Variants in IL18 observed in about 807,000 individuals in gnomAD.
The protein encoded by IL18 is interleukin 18, also known as interleukin-18.
A neutral mutation model predicts 14.2 loss-of-function variants in IL18; 8 were observed. The observed-to-expected ratio is 0.56, with a 90% confidence interval of 0.33 to 1.01. The LOEUF (loss-of-function observed/expected upper bound fraction) is 1.01, where lower values mean the gene tolerates loss of function less well. Among genes scored for constraint, IL18 ranks in the 50% least tolerant of loss-of-function variants. IL18 has a pLI of 0.03. For synonymous variants in IL18, 67 were observed against 71.0 expected (o/e 0.94, Z 0.28); for missense variants, 166 against 231.1 (o/e 0.72, Z 1.83).
intron 5 of IL18, among the ~76,000 whole-genome samples, chr11:112,145,414 T>A (rs1866318150): frequency 6.6e-6 from 1 of 152,166 alleles, no homozygotes; most frequent in Non-Finnish European, 1.5e-5. Context: ...AAAGCTCTAG[T>A]AACATTACAG....
chr11:112,160,924 T>C (rs1368800893), intron 1 of IL18, among the ~76,000 whole-genome samples: 1 of 152,200 alleles, frequency 6.6e-6, no homozygotes, highest in Non-Finnish European at 1.5e-5. Context: ...TGATTACAAG[T>C]AGTGTGTTCT....
Position 112,162,244 on chromosome 11 carries a change from T to C in IL18, c.-9+1662A>G, listed in dbSNP as rs890072035. On this transcript the variant is annotated intron_variant, in intron 1 of 5. Coordinates refer to ENST00000280357, the MANE Select transcript of IL18 (RefSeq NM_001562.4). ...CTCAAAGAATGCTTAAAGATTTGAA[T>C]AGATAGAGAAGGCAATGGACCAGCA... Among the ~76,000 whole-genome samples, 4 of 152,042 alleles carry C rather than the reference T, an allele frequency of 2.6e-5. No individual in the cohort carries two copies. In the South Asian group the frequency reaches 8.3e-4, roughly 32 times the overall value.
intron 1 of IL18, among the ~76,000 whole-genome samples, chr11:112,157,586 A>C (rs896500852): frequency 6.6e-6 from 1 of 152,180 alleles, no homozygotes; most frequent in African/African-American, 2.4e-5. Context: ...AATTTACAAG[A>C]GATTCATTCT....
intron 5 of IL18, among the ~76,000 whole-genome samples, chr11:112,147,613 G>A (rs1264100304): frequency 6.6e-6 from 1 of 152,320 alleles, no homozygotes; most frequent in African/African-American, 2.4e-5. Flanking sequence ...TGGCACTCTG[G>A]TTGGAGGGAG....
chr11:112,159,423 T>G (rs1366433809), intron 1 of IL18, among the ~76,000 whole-genome samples: 4 of 151,972 alleles, frequency 2.6e-5, no homozygotes, highest in Non-Finnish European at 4.4e-5. Context: ...GAAGTAATTT[T>G]AACAATTAAG....
rs200887271 is a variant in IL18, at chr11:112,143,734, C to T, written c.444G>A (p.Lys148=). ...FQRSVPGHDN[K]MQFESSSYEG... ...CGTATGATGAAGATTCAAATTGCAT[C>T]TTATTATCATGTCCTGGGACACTTC... The change falls in exon 6 of 6, where the codon AAG becomes AAA. Residue 148 remains lysine, a synonymous_variant. Transcript: ENST00000280357. 19 of 1,612,622 alleles carry T rather than the reference C, an allele frequency of 1.2e-5. No individual in the cohort carries two copies. Among genetic ancestry groups the T allele is most frequent in the Admixed American group, 1.7e-5 (1 of 59,994 alleles).
At chr11:112,148,144 G>C (rs1007190506) in intron 5 of IL18, among the ~76,000 whole-genome samples, 2 of 152,132 alleles carry the variant, frequency 1.3e-5, no homozygotes, top group African/African-American at 4.8e-5. Context: ...CTAAGGATCA[G>C]CAACAAAACA....
intron 1 of IL18, among the ~76,000 whole-genome samples, chr11:112,160,595 C>T (rs1362831307): frequency 1.3e-5 from 2 of 151,992 alleles, no homozygotes; most frequent in Non-Finnish European, 2.9e-5. Context: ...AAGAGCTTAC[C>T]ACACAGTAAG....
chr11:112,160,312 C>CTT (rs56345155), intron 1 of IL18, among the ~76,000 whole-genome samples: 26,007 of 137,954 alleles, frequency 0.19, 2,910 homozygotes, highest in Non-Finnish European at 0.25. Context: ...CTTCCCCTGC[C>CTT]TTTTTTTTTT....
intron 5 of IL18, among the ~76,000 whole-genome samples, chr11:112,146,137 C>T (rs539301206): frequency 6.6e-6 from 1 of 151,254 alleles, no homozygotes; most frequent in Non-Finnish European, 1.5e-5. Flanking sequence ...TCTGAGGGAA[C>T]CCTGGCCAAG....
chr11:112,150,283 A>G lies in IL18; in HGVS notation c.92-77T>C, dbSNP rs2135313721. 5 of 1,003,772 alleles carry G rather than the reference A, an allele frequency of 5.0e-6. No homozygotes were observed. The East Asian group carries it at 1.3e-4, about 26-fold the overall frequency. The allele number at this position is 1,003,772 out of a possible 1,614,324, so 62.2% of individuals were successfully genotyped here. A position where few individuals can be genotyped will look rare whatever the true frequency, so the allele number is the denominator to read the frequency against. On this transcript the variant is annotated intron_variant, in intron 3 of 5. Coordinates refer to ENST00000280357, the MANE Select transcript of IL18 (RefSeq NM_001562.4). Reference sequence around the variant, plus strand: ...GACAAATAAGTATGCTATATATTTTAGTTTTCTAAAACTATTAATGACAAT... The same window carrying G: ...GACAAATAAGTATGCTATATATTTTGGTTTTCTAAAACTATTAATGACAAT...
Position 112,143,798 on chromosome 11 carries a change from T to A in IL18, c.380A>T (p.Asn127Ile), listed in dbSNP as rs141853304. 6.3e-7 allele frequency: 1 copy of A among 1,596,792 alleles called. No individual in the cohort carries two copies. The highest frequency in any genetic ancestry group is 2.2e-5 in the East Asian group (1 of 44,752). ...GATGTCACTTTTTGTATCCTTGATGTTATCAGGAGGATTCATTTCCTATAG... is the reference window on the plus strand; with the variant it reads ...GATGTCACTTTTTGTATCCTTGATGATATCAGGAGGATTCATTTCCTATAG... ...ISFKEMNPPD[N>I]IKDTKSDIIF... Residue 127 changes from asparagine to isoleucine, a missense_variant, in exon 6 of 6, where the codon AAC becomes ATC. Transcript: ENST00000280357.
chr11:112,156,352 C>A (rs942997187), intron 1 of IL18, among the ~76,000 whole-genome samples: 2 of 152,056 alleles, frequency 1.3e-5, no homozygotes, highest in African/African-American at 4.8e-5. Flanking sequence ...TGTACCCAGG[C>A]CTTATTTGAT....
In IL18 at chr11:112,143,462, A is replaced by G; in HGVS notation, c.*134T>C. The G allele has an allele frequency of 1.7e-6, 1 of 589,282 alleles. No homozygotes were observed. Among genetic ancestry groups the G allele is most frequent in the Non-Finnish European group, 3.0e-6 (1 of 334,026 alleles). The allele number at this position is 589,282 out of a possible 1,614,324, so 36.5% of individuals were successfully genotyped here. On this transcript the variant is annotated 3_prime_UTR_variant, in exon 6 of 6. Coordinates refer to ENST00000280357, the MANE Select transcript of IL18 (RefSeq NM_001562.4). ...CACTCAGCTAATTTTTTGTATTTTT[A>G]GTAGAGATGAGGTTTCACCATGTTG... is the stretch of plus-strand genomic sequence containing the variant.
chr11:112,153,290 C>A lies in IL18; in HGVS notation c.91+302G>T, dbSNP rs1418385002. 6 of 279,370 alleles carry A rather than the reference C, an allele frequency of 2.1e-5. 1 individual carries two copies. Among genetic ancestry groups the A allele is most frequent in the Non-Finnish European group, 4.0e-5 (6 of 149,424 alleles). 17.3% of individuals were successfully genotyped at this position (279,370 alleles called of 1,614,324 possible). On this transcript the variant is annotated intron_variant, in intron 3 of 5. Transcript: ENST00000280357. Reference sequence around the variant, plus strand: ...TTTTTCCTATGCAACGCTCCCCCTACAACAGAATCCATGACTTCATGCTAA... The same window carrying A: ...TTTTTCCTATGCAACGCTCCCCCTAAAACAGAATCCATGACTTCATGCTAA...
At chr11:112,155,451 C>T (rs1450085544) in intron 1 of IL18, among the ~76,000 whole-genome samples, 1 of 152,134 alleles carries the variant, frequency 6.6e-6, no homozygotes, top group East Asian at 1.9e-4. Flanking sequence ...CCTTCTCTTA[C>T]AACCAGTGGG....
At position 112,150,120 on chromosome 11, in the gene IL18, G is replaced by C. The variant is rs770531763; in HGVS notation, c.178C>G (p.Gln60Glu). ...TCTTCAAATAGAGGCCGATTTCCTT[G>C]GTCAATGAAGAGAACTTGGTCATTC... ...NLNDQVLFID[Q>E]GNRPLFEDMT... The change falls in exon 4 of 6, where the codon CAA becomes GAA. Residue 60 changes from glutamine (Q) to glutamate (E), a missense_variant. Coordinates refer to ENST00000280357, the MANE Select transcript of IL18 (RefSeq NM_001562.4). The C allele has an allele frequency of 3.1e-6, 5 of 1,610,664 alleles. No individual in the cohort carries two copies. In the South Asian group the frequency reaches 4.4e-5, roughly 14 times the overall value.
chr11:112,162,335 T>C (rs1319724914), intron 1 of IL18, among the ~76,000 whole-genome samples: 1 of 144,604 alleles, frequency 6.9e-6, no homozygotes, highest in Non-Finnish European at 1.5e-5. Context: ...TTTTTTCTTT[T>C]CTTTTCTTTT....
intron 4 of IL18, among the ~76,000 whole-genome samples, 163 bp downstream of exon 4, chr11:112,149,909 C>T (rs1310372024): frequency 6.6e-6 from 1 of 152,168 alleles, no homozygotes; most frequent in East Asian, 1.9e-4. Flanking sequence ...TTTACCCCAA[C>T]TAAAAAACGT....
Sources: allele counts gnomAD v4.1 joint callset (sites outside exome capture counted in the v4.1 genomes callset), GRCh38; gene constraint gnomAD v4.1.1; transcripts MANE v1.5; gene names NCBI Gene and HGNC (gene_info 2026-07-23, HGNC 2026-07-21).